Variants in FAT4 observed in about 807,000 individuals in gnomAD.
FAT4 encodes FAT atypical cadherin 4, also known as protocadherin Fat 4.
In FAT4, 84 loss-of-function variants were observed where a neutral mutation model predicts 303.9. That is an observed-to-expected ratio of 0.28 (90% CI 0.23 to 0.33). FAT4 has a LOEUF of 0.33. Ranked by LOEUF, FAT4 falls within the 10% of genes least tolerant of loss-of-function variation. FAT4 has a pLI of 1.00. For missense variants in FAT4, 6,005 were observed against 6,146.8 expected, an observed-to-expected ratio of 0.98 and a Z score of 0.77; for synonymous variants, 2,307 against 2,298.8, an observed-to-expected ratio of 1.00 and a Z score of -0.10.
At chr4:125,391,258 G>A (rs1465351594) in intron 2 of FAT4, among the ~76,000 whole-genome samples, 1 of 152,082 alleles carries the variant, frequency 6.6e-6, no homozygotes, top group African/African-American at 2.4e-5. Context: ...GCAAAGAAAT[G>A]GATCCAACCC....
rs1731061064 is a variant in FAT4 at position 125,324,139 on chromosome 4, A to T, written c.5175+2553A>T. 3.9e-5 allele frequency among the ~76,000 whole-genome samples: 6 copies of T among 152,306 alleles called. No individual in the cohort carries two copies. In the South Asian group the frequency reaches 1.2e-3, roughly 32 times the overall value. ...TGTTTGGGTTTCAGACACAAGATTA[A>T]TTACCTTTTTATTTTGTCTCTTTAT... is the stretch of plus-strand genomic sequence containing the variant. On this transcript the variant is annotated intron_variant, in intron 2 of 17. Coordinates refer to ENST00000394329, the MANE Select transcript of FAT4 (RefSeq NM_001291303.3).
chr4:125,471,135 A>C (rs931793333), intron 12 of FAT4, among the ~76,000 whole-genome samples: 1 of 152,258 alleles, frequency 6.6e-6, no homozygotes, highest in African/African-American at 2.4e-5. Flanking sequence ...AATAACATTT[A>C]TCAATTAAGC....
intron 10 of FAT4, among the ~76,000 whole-genome samples, chr4:125,460,730 G>A (rs573686675): frequency 6.6e-6 from 1 of 152,032 alleles, no homozygotes; most frequent in Admixed American, 6.6e-5. Flanking sequence ...ATTGTGAATA[G>A]TGCTGCATTG....
In FAT4 at chr4:125,450,348, T is replaced by C. The variant is rs779254610; in HGVS notation, c.9338T>C (p.Val3113Ala). 16 of 1,614,010 alleles carry C rather than the reference T, an allele frequency of 9.9e-6. No individual in the cohort carries two copies. The highest frequency in any genetic ancestry group is 3.3e-5 in the Admixed American group (2 of 59,998). ...SHSIGSIVRT[V>A]SARDRDAAMN... ...AGCATTGGGTCCATTGTCAGAACTG[T>C]TTCTGCAAGAGATAGAGATGCAGCG... The change falls in exon 10 of 18, where the codon GTT becomes GCT. Residue 3113 changes from valine (V) to alanine (A), a missense_variant. Transcript: ENST00000394329.
At chr4:125,488,919 C>T (rs908174430) in intron 17 of FAT4, among the ~76,000 whole-genome samples, 5 of 151,580 alleles carry the variant, frequency 3.3e-5, no homozygotes, top group South Asian at 4.2e-4. Flanking sequence ...GAGAATAAGT[C>T]GGAAAAGAAG....
intron 3 of FAT4, 32 bp from the exon 4 acceptor site, chr4:125,406,848 C>T (rs773834940): frequency 1.2e-6 from 2 of 1,602,392 alleles, no homozygotes; most frequent in African/African-American, 1.3e-5. Flanking sequence ...TTTCTACTTC[C>T]AATAGCTCAG....
In FAT4 at chr4:125,318,724, A is replaced by C. The variant is rs1730764912; in HGVS notation, c.2313A>C (p.Leu771Phe). 1 of 1,613,918 alleles carries C rather than the reference A, an allele frequency of 6.2e-7. No individual in the cohort carries two copies. The highest frequency in any genetic ancestry group is 1.3e-5 in the African/African-American group (1 of 74,928). The stretch of plus-strand genomic sequence containing the variant: ...TAGTAGCTACTGATGGTGGCAATTT[A>C]CAATCTCCCAACCAGGCAATAGTAA... ...LQIVATDGGNLQSPNQAIVTI... is the reference protein window; with the variant it reads ...LQIVATDGGNFQSPNQAIVTI... The change falls in exon 2 of 18, where the codon TTA becomes TTC. Residue 771 changes from leucine (L) to phenylalanine (F), a missense_variant. Transcript: ENST00000394329.
chr4:125,404,998 T>TC (rs1318182216), intron 3 of FAT4, among the ~76,000 whole-genome samples: 1 of 145,034 alleles, frequency 6.9e-6, no homozygotes, highest in Non-Finnish European at 1.5e-5. Context: ...TCAAATTCCT[T>TC]TTTTTTTTTT....
At chr4:125,386,508 A>T (rs1479830618) in intron 2 of FAT4, among the ~76,000 whole-genome samples, 1 of 152,036 alleles carries the variant, frequency 6.6e-6, no homozygotes, top group East Asian at 1.9e-4. Flanking sequence ...GACCTCAAGT[A>T]ATCCACCTAC....
At chr4:125,438,782 G>A (rs1725546123) in intron 8 of FAT4, among the ~76,000 whole-genome samples, 1 of 152,090 alleles carries the variant, frequency 6.6e-6, no homozygotes, top group Non-Finnish European at 1.5e-5. Flanking sequence ...TATGGTTGGT[G>A]TTAATAACTC....
intron 10 of FAT4, among the ~76,000 whole-genome samples, chr4:125,453,370 A>G (rs1297491022): frequency 1.3e-5 from 2 of 152,182 alleles, no homozygotes; most frequent in Non-Finnish European, 2.9e-5. Context: ...TGTGATCCAC[A>G]TCGTGAGAAG....
chr4:125,391,588 T>C (rs56364084), intron 2 of FAT4, among the ~76,000 whole-genome samples: 1 of 152,128 alleles, frequency 6.6e-6, no homozygotes, highest in Non-Finnish European at 1.5e-5. Flanking sequence ...CCATGGCACA[T>C]GTATACCTAT....
rs1408013581 is a variant in FAT4 at position 125,317,744 on chromosome 4, G to C, written c.1333G>C (p.Gly445Arg). The C allele has an allele frequency of 1.9e-6, 3 of 1,614,078 alleles. No individual in the cohort carries two copies. Among genetic ancestry groups the C allele is most frequent in the East Asian group, 4.5e-5 (2 of 44,868 alleles). The change falls in exon 2 of 18, where the codon GGG (glycine) becomes CGG (arginine). Residue 445 changes from glycine (G) to arginine (R), a missense_variant. By Grantham distance (125) the Gly-to-Arg change is moderately radical. Transcript: ENST00000394329. This position sits in a 1 kb window ranked among gnomAD's most constrained non-coding sequence, Gnocchi z 7.0. ...CACAGTTTCCGTCTCTGATAACTACGGGGCGCCCCCTGGCGCAGCAGTCCA... is the reference window on the plus strand; with the variant it reads ...CACAGTTTCCGTCTCTGATAACTACCGGGCGCCCCCTGGCGCAGCAGTCCA... ...NLTVSVSDNYGAPPGAAVQAR... is the reference protein window; with the variant it reads ...NLTVSVSDNYRAPPGAAVQAR...
At chr4:125,330,969 C>A (rs1469315685) in intron 2 of FAT4, among the ~76,000 whole-genome samples, 1 of 152,186 alleles carries the variant, frequency 6.6e-6, no homozygotes, top group African/African-American at 2.4e-5. Flanking sequence ...CAGCCTCAGG[C>A]GCCCCTCCTT....
intron 16 of FAT4, among the ~76,000 whole-genome samples, chr4:125,482,925 G>A (rs180719189): frequency 3.9e-5 from 6 of 152,182 alleles, no homozygotes; most frequent in African/African-American, 1.4e-4. Flanking sequence ...TTCCAACTAG[G>A]ATAGATTTTA....
chr4:125,315,816 G>A lies in FAT4; in HGVS notation c.-174G>A, dbSNP rs1205790181. On this transcript the variant is annotated 5_prime_UTR_variant, in exon 1 of 18. Coordinates refer to ENST00000394329, the MANE Select transcript of FAT4 (RefSeq NM_001291303.3). ...CGGCCACTGCCGGCGCCCTGTTGGAGGGGCGTTGCAGCCTGGTTTTTGAGG... is the reference window on the plus strand; with the variant it reads ...CGGCCACTGCCGGCGCCCTGTTGGAAGGGCGTTGCAGCCTGGTTTTTGAGG... 6.6e-6 allele frequency among the ~76,000 whole-genome samples: 1 copy of A among 152,192 alleles called. No homozygotes were observed. The highest frequency in any genetic ancestry group is 2.4e-5 in the African/African-American group (1 of 41,454).
intron 6 of FAT4, 25 bp from the exon 7 acceptor site, chr4:125,416,423 C>T: frequency 6.4e-7 from 1 of 1,567,984 alleles, no homozygotes. Context: ...GTTTTACTCA[C>T]ATCTTGGTAT....
intron 8 of FAT4, among the ~76,000 whole-genome samples, chr4:125,439,757 A>G (rs954763409): frequency 1.3e-5 from 2 of 152,186 alleles, no homozygotes; most frequent in Non-Finnish European, 2.9e-5. Context: ...TCCTTGAACC[A>G]TGTAGATATC....
intron 12 of FAT4, among the ~76,000 whole-genome samples, chr4:125,474,155 G>A (rs557929127): frequency 6.6e-6 from 1 of 152,082 alleles, no homozygotes; most frequent in African/African-American, 2.4e-5. Context: ...TCTTTGAGTT[G>A]TATCAGCAAG....
Sources: allele counts gnomAD v4.1 joint callset (sites outside exome capture counted in the v4.1 genomes callset), GRCh38; gene constraint gnomAD v4.1.1; non-coding constraint Gnocchi (gnomAD v3.1); transcripts MANE v1.5; gene names NCBI Gene and HGNC (gene_info 2026-07-23, HGNC 2026-07-21).